SH3YL1: variants seen among roughly 807,000 people sequenced by gnomAD.
SH3YL1 encodes SH3 and SYLF domain containing 1, also known as SH3 domain-containing YSC84-like protein 1.
SH3YL1 carries 41 observed loss-of-function variants against 45.8 expected under a neutral mutation model. That is an observed-to-expected ratio of 0.89 (90% CI 0.70 to 1.16). The LOEUF (loss-of-function observed/expected upper bound fraction) is 1.16, where lower values mean the gene tolerates loss of function less well. SH3YL1 is among the 50% of genes most tolerant of loss of function. The probability of loss-of-function intolerance (pLI) is 0.00; values close to 1 mark genes in which losing one functional copy is unlikely to be tolerated. For synonymous variants in SH3YL1, 152 were observed against 151.4 expected, an observed-to-expected ratio of 1.00 and a Z score of -0.03; for missense variants, 389 against 409.6, an observed-to-expected ratio of 0.95 and a Z score of 0.43.
At chr2:260,773 A>T (rs1199844797) in intron 1 of SH3YL1, 1 of 152,268 alleles carries the variant, frequency 6.6e-6, no homozygotes, top group Non-Finnish European at 1.5e-5. Context: ...CATGAATCTT[A>T]TCCCCTCAGA....
chr2:228,448 C>T (rs756334753), intron 8 of SH3YL1, among the ~76,000 whole-genome samples: 3 of 152,082 alleles, frequency 2.0e-5, no homozygotes, highest in South Asian at 2.1e-4. Flanking sequence ...TTTTTAAATC[C>T]GCACTGATAA....
chr2:263,664 T>A (rs1029979932), intron 1 of SH3YL1: 5 of 334,896 alleles, frequency 1.5e-5, no homozygotes, highest in African/African-American at 8.6e-5. Flanking sequence ...GACGCTTCTG[T>A]GGAACGGAAG....
At chr2:230,264 G>A in intron 7 of SH3YL1, 1 of 362,598 alleles carries the variant, frequency 2.8e-6, no homozygotes, top group East Asian at 4.2e-5. Context: ...ATGCCTGGAA[G>A]CTAACCTCCC....
intron 1 of SH3YL1, among the ~76,000 whole-genome samples, chr2:258,856 A>G (rs1257273484): frequency 6.6e-6 from 1 of 151,718 alleles, no homozygotes; most frequent in Admixed American, 6.6e-5. Flanking sequence ...TGCAAATTTC[A>G]CCCTACACAG....
chr2:264,473 G>A (rs1469873329), upstream of SH3YL1: 2 of 183,912 alleles, frequency 1.1e-5, no homozygotes, highest in African/African-American at 2.4e-5. Context: ...CGCCCTGCAG[G>A]TGACCCGCGG....
chr2:257,686 T>C (rs1669403230), intron 1 of SH3YL1, among the ~76,000 whole-genome samples: 1 of 152,244 alleles, frequency 6.6e-6, no homozygotes, highest in Admixed American at 6.5e-5. Flanking sequence ...GAGGCATCCC[T>C]GGAGTCTCTC....
intron 4 of SH3YL1, among the ~76,000 whole-genome samples, chr2:238,967 G>A (rs964328814): frequency 2.0e-5 from 3 of 152,082 alleles, no homozygotes; most frequent in African/African-American, 7.2e-5. Context: ...TGAGATTGTC[G>A]AACATAAATT....
chr2:263,329 A>G (rs1381518933), intron 1 of SH3YL1: 1 of 153,550 alleles, frequency 6.5e-6, no homozygotes, highest in Non-Finnish European at 1.4e-5. Context: ...TGTAAATCCT[A>G]TTTCCTTAAG....
At chr2:240,781 A>G (rs1361398773) in intron 4 of SH3YL1, 1 of 152,286 alleles carries the variant, frequency 6.6e-6, no homozygotes, top group Non-Finnish European at 1.5e-5. Context: ...CAGTCAGAAC[A>G]CCTGTCATCT....
intron 4 of SH3YL1, among the ~76,000 whole-genome samples, chr2:238,259 T>TGTGTGTGTGTGTG (rs1668391406): frequency 7.0e-6 from 1 of 141,860 alleles, no homozygotes; most frequent in African/African-American, 2.7e-5. Flanking sequence ...TCCTCCCTCC[T>TGTGTGTGTGTGTG]TGTGTGTGTG....
chr2:253,981 C>T (rs1398887220), intron 1 of SH3YL1, among the ~76,000 whole-genome samples: 1 of 151,972 alleles, frequency 6.6e-6, no homozygotes, highest in African/African-American at 2.4e-5. Context: ...ATCCTTGGGC[C>T]CCAAAGGATG....
At chr2:230,262 AAGC>A (rs1160896967) in intron 7 of SH3YL1, 1 of 364,960 alleles carries the variant, frequency 2.7e-6, no homozygotes, top group African/African-American at 2.1e-5. Flanking sequence ...TCATGCCTGG[AAGC>A]TAACCTCCCC....
chr2:244,178 T>A (rs1199185853), intron 4 of SH3YL1, among the ~76,000 whole-genome samples: 5 of 150,114 alleles, frequency 3.3e-5, no homozygotes, highest in African/African-American at 7.3e-5. Context: ...AATGATTCCA[T>A]AATAGCATGT....
intron 6 of SH3YL1, chr2:232,879 G>C (rs1668112277): frequency 3.3e-6 from 1 of 300,074 alleles, no homozygotes; most frequent in African/African-American, 2.2e-5. Flanking sequence ...AATTGTGTTA[G>C]TCTTTTAAAG....
rs1272778924 is a variant in SH3YL1, at chr2:260,683, T to G, written c.1+3301A>C. 2.6e-5 allele frequency: 4 copies of G among 152,260 alleles called. No homozygotes were observed. In the South Asian group the frequency reaches 8.3e-4, roughly 31 times the overall value. 9.4% of individuals were successfully genotyped at this position (152,260 alleles called of 1,614,324 possible). A position where few individuals can be genotyped will look rare whatever the true frequency, so the allele number is the denominator to read the frequency against. ...AGCCGCTCTGGACTTCTTCGTCAAA[T>G]GGACCAGCAACATCTTTTTCTGTTA... On this transcript the variant is annotated intron_variant, in intron 1 of 9. Coordinates refer to ENST00000356150, the MANE Select transcript of SH3YL1 (RefSeq NM_015677.4).
At chr2:262,674 C>G (rs1406207335) in intron 1 of SH3YL1, 1 of 1,304,076 alleles carries the variant, frequency 7.7e-7, no homozygotes, top group African/African-American at 1.5e-5. Flanking sequence ...AGGCTCTCAG[C>G]AGAGTCAGGG....
intron 6 of SH3YL1, among the ~76,000 whole-genome samples, chr2:231,657 T>C (rs1340791355): frequency 6.6e-6 from 1 of 152,218 alleles, no homozygotes; most frequent in Non-Finnish European, 1.5e-5. Flanking sequence ...CCTTACATGC[T>C]TGGAGGTCCT....
intron 1 of SH3YL1, among the ~76,000 whole-genome samples, chr2:258,506 T>A (rs182799772): frequency 6.6e-6 from 1 of 152,364 alleles, no homozygotes; most frequent in East Asian, 1.9e-4. Flanking sequence ...CTGTTTTTAC[T>A]CCTTTCTAGT....
intron 1 of SH3YL1, among the ~76,000 whole-genome samples, chr2:261,865 T>C (rs934247594): frequency 7.2e-5 from 11 of 152,200 alleles, no homozygotes; most frequent in African/African-American, 2.7e-4. Context: ...GGACTCTAAT[T>C]ATGAAAGGAA....
Sources: gnomAD v4.1 joint callset for allele counts (sites outside exome capture counted in the v4.1 genomes callset) on GRCh38, gnomAD v4.1.1 for gene constraint, MANE v1.5 for transcripts, NCBI Gene and HGNC (gene_info 2026-07-23, HGNC 2026-07-21) for gene names.